DGKB: variants seen among roughly 807,000 people sequenced by gnomAD.
DGKB encodes the protein 90 kDa diacylglycerol kinase.
Under a neutral mutation model 114.3 loss-of-function variants are expected in DGKB, and 67 were observed. The observed-to-expected ratio is 0.59, with a 90% CI of 0.48 to 0.72. The LOEUF (loss-of-function observed/expected upper bound fraction) is 0.72. Among genes scored for constraint, DGKB ranks in the 30% least tolerant of loss-of-function variants. The pLI, the probability that DGKB is intolerant of heterozygous loss-of-function variation, is 0.00. For missense variants in DGKB, 907 were observed against 975.2 expected, an observed-to-expected ratio of 0.93 and a Z score of 0.93; for synonymous variants, 398 against 323.1, an observed-to-expected ratio of 1.23 and a Z score of -2.49.
intron 23 of DGKB, 145 bp from the exon 24 acceptor site, chr7:14,178,296 G>A: frequency 1.2e-6 from 1 of 837,950 alleles, no homozygotes; most frequent in Non-Finnish European, 1.8e-6. Flanking sequence ...ATAAAAAGAT[G>A]GCCTACTTTT....
At chr7:14,719,331 C>T (rs1315058444) in intron 5 of DGKB, among the ~76,000 whole-genome samples, 1 of 151,996 alleles carries the variant, frequency 6.6e-6, no homozygotes, top group East Asian at 1.9e-4. Flanking sequence ...ATTTCTGAAA[C>T]CCATTATCTG....
At position 14,582,402 on chromosome 7, in the gene DGKB, G is replaced by A. The variant is rs534761496; in HGVS notation, c.1519+650C>T. 1.3e-4 allele frequency among the ~76,000 whole-genome samples: 20 copies of A among 152,232 alleles called. No individual in the cohort carries two copies. In the East Asian group the frequency reaches 3.9e-3, roughly 29 times the overall value. ...TGTATTATTTGCTCATAAAAATCGA[G>A]CGTTTTCAGTTTAAATAGAGAGGCA... is the stretch of plus-strand genomic sequence containing the variant. On this transcript the variant is annotated intron_variant, in intron 18 of 25. Coordinates refer to ENST00000402815, the MANE Select transcript of DGKB (RefSeq NM_001350709.2).
chr7:14,590,050 A>G (rs1180093842), intron 17 of DGKB, among the ~76,000 whole-genome samples: 1 of 151,548 alleles, frequency 6.6e-6, no homozygotes, highest in East Asian at 2.0e-4. Flanking sequence ...TGGGAGATAT[A>G]CCTAATGCTA....
chr7:14,198,263 G>GA (rs750117449), intron 23 of DGKB, among the ~76,000 whole-genome samples: 25 of 152,040 alleles, frequency 1.6e-4, no homozygotes, highest in Non-Finnish European at 2.5e-4. Context: ...AAGGTGAGAA[G>GA]AAAAAATTTC....
intron 6 of DGKB, among the ~76,000 whole-genome samples, chr7:14,717,565 T>C (rs544248335): frequency 2.0e-5 from 3 of 152,234 alleles, no homozygotes; most frequent in South Asian, 2.1e-4. Context: ...AATAATCACA[T>C]TACAGTAAAT....
At chr7:14,621,153 G>A (rs1807566377) in intron 15 of DGKB, 2 of 417,448 alleles carry the variant, frequency 4.8e-6, no homozygotes, top group Admixed American at 8.5e-5. Context: ...GCCAATTTGA[G>A]TTTAAATGGA....
intron 23 of DGKB, among the ~76,000 whole-genome samples, chr7:14,285,377 G>A (rs1256806441): frequency 6.6e-6 from 1 of 152,200 alleles, no homozygotes; most frequent in Non-Finnish European, 1.5e-5. Flanking sequence ...GTGGGAGGAT[G>A]TAGTAAGTAA....
At chr7:14,700,481 G>A (rs1255518940) in intron 7 of DGKB, among the ~76,000 whole-genome samples, 7 of 152,192 alleles carry the variant, frequency 4.6e-5, no homozygotes, top group Non-Finnish European at 8.8e-5. Context: ...ATCCCAAAAT[G>A]CTGGGATTAC....
intron 4 of DGKB, among the ~76,000 whole-genome samples, chr7:14,747,440 G>A (rs548602693): frequency 1.8e-4 from 28 of 151,646 alleles, no homozygotes; most frequent in African/African-American, 6.1e-4. Flanking sequence ...TGGTTAACCC[G>A]TCCCTTTTCT....
At position 14,830,389 on chromosome 7, in the gene DGKB, C is replaced by CAA. The variant is rs35436521; in HGVS notation, c.70+10803_70+10804dup. On this transcript the variant is annotated intron_variant, in intron 2 of 25. Transcript: ENST00000402815. Reference sequence around the variant, plus strand: ...GAAATAATTTAATAGGCAGAAATTTCAAAAAAAATACCATGACTATTCTCT... The same window carrying CAA: ...GAAATAATTTAATAGGCAGAAATTTCAAAAAAAAAATACCATGACTATTCTCT... Among the ~76,000 whole-genome samples, 896 of 151,506 alleles carry CAA rather than the reference C, an allele frequency of 5.9e-3. 11 individuals carry two copies. Among genetic ancestry groups the CAA allele is most frequent in the East Asian group, 0.043 (221 of 5,138 alleles).
chr7:14,591,129 C>A (rs1401142282), intron 17 of DGKB, among the ~76,000 whole-genome samples: 1 of 152,064 alleles, frequency 6.6e-6, no homozygotes, highest in Non-Finnish European at 1.5e-5. Context: ...TGACTTTTCA[C>A]CCAGGAAGGC....
chr7:14,313,888 C>T (rs1805929157), intron 23 of DGKB, among the ~76,000 whole-genome samples: 1 of 152,332 alleles, frequency 6.6e-6, no homozygotes, highest in East Asian at 1.9e-4. Flanking sequence ...CCCTGTCTGA[C>T]AGCTTTGAAG....
intron 23 of DGKB, among the ~76,000 whole-genome samples, chr7:14,275,759 A>T (rs1243228295): frequency 2.6e-5 from 4 of 152,194 alleles, no homozygotes. Flanking sequence ...CCAGTAACAG[A>T]TTAGAAGAAT....
At chr7:14,324,865 C>T (rs1350140729) in intron 23 of DGKB, among the ~76,000 whole-genome samples, 1 of 152,030 alleles carries the variant, frequency 6.6e-6, no homozygotes, top group Non-Finnish European at 1.5e-5. Flanking sequence ...GAAAGAGTTG[C>T]TGCAGAAGCA....
At chr7:14,270,676 T>C (rs1483242267) in intron 23 of DGKB, among the ~76,000 whole-genome samples, 3 of 152,248 alleles carry the variant, frequency 2.0e-5, no homozygotes, top group Non-Finnish European at 4.4e-5. Context: ...AGAAAACATA[T>C]ACATAAGAAA....
At position 14,578,904 on chromosome 7, in the gene DGKB, T is replaced by C. The variant is rs187125898; in HGVS notation, c.1609+1958A>G. On this transcript the variant is annotated intron_variant, in intron 19 of 25. Coordinates refer to ENST00000402815, the MANE Select transcript of DGKB (RefSeq NM_001350709.2). ...GGTTCCTGCATTATCTGGCTCCCAA[T>C]TGTCTTTCCAAAGTCATAGTACTCA... is the stretch of plus-strand genomic sequence containing the variant. 1.4e-4 allele frequency among the ~76,000 whole-genome samples: 22 copies of C among 152,314 alleles called. 1 individual carries two copies. The East Asian group carries it at 3.7e-3, about 25-fold the overall frequency.
intron 21 of DGKB, among the ~76,000 whole-genome samples, chr7:14,403,067 T>C (rs1234362554): frequency 6.6e-6 from 1 of 151,988 alleles, no homozygotes; most frequent in African/African-American, 2.4e-5. Flanking sequence ...CAACCCCATC[T>C]ATCTGTATAT....
chr7:14,497,054 CAGGCCACTATTCTAAGTGA>C (rs1235423387), intron 20 of DGKB, among the ~76,000 whole-genome samples: 1 of 151,690 alleles, frequency 6.6e-6, no homozygotes, highest in African/African-American at 2.4e-5. Context: ...GATGGAACTG[CAGGCCACTATTCTAAGTGA>C]AGTAACTCAG....
intron 20 of DGKB, among the ~76,000 whole-genome samples, chr7:14,494,502 C>T (rs1785026739): frequency 6.6e-6 from 1 of 151,880 alleles, no homozygotes; most frequent in East Asian, 1.9e-4. Flanking sequence ...ATTTAGCCTA[C>T]CATTTTTCAT....
Sources: allele counts gnomAD v4.1 joint callset (sites outside exome capture counted in the v4.1 genomes callset), GRCh38; gene constraint gnomAD v4.1.1; transcripts MANE v1.5; gene names NCBI Gene and HGNC (gene_info 2026-07-23, HGNC 2026-07-21).